Variants in PRAC2 observed in about 807,000 individuals in gnomAD.
The protein encoded by PRAC2 is PRAC2 small nuclear protein.
For missense variants in PRAC2, 92 were observed against 114.5 expected (o/e 0.80, Z 0.90); for synonymous variants, 43 against 49.5 (o/e 0.87, Z 0.55).
intron 1 of PRAC2, 114 bp from the exon 2 acceptor site, chr17:48,724,214 A>G (rs1354745810): frequency 2.1e-6 from 1 of 482,684 alleles, no homozygotes; most frequent in African/African-American, 2.0e-5. Context: ...TTTAAACACA[A>G]ATAAGTGAGA....
intron 1 of PRAC2, chr17:48,723,553 C>T: frequency 2.1e-6 from 1 of 470,506 alleles, no homozygotes; most frequent in Non-Finnish European, 3.4e-6. Flanking sequence ...CTGGATGAGG[C>T]TTTTTCCTGC....
At chr17:48,722,350 TA>T (rs752510016), upstream of PRAC2, 15 of 1,614,054 alleles carry the variant, frequency 9.3e-6, no homozygotes, top group Non-Finnish European at 1.3e-5. Flanking sequence ...TTGGAGGTAG[TA>T]AGATGGGCCG....
chr17:48,722,735 TC>T (rs141334042), upstream of PRAC2, among the ~76,000 whole-genome samples: 1,683 of 152,220 alleles, frequency 0.011, 31 homozygotes, highest in African/African-American at 0.036. Flanking sequence ...GCTTCCTCCC[TC>T]TTTCCCAAGG....
In PRAC2 at chr17:48,723,197, C is replaced by G. The variant is rs930344542; in HGVS notation, c.-200C>G. 1.3e-5 allele frequency: 2 copies of G among 152,378 alleles called. No homozygotes were observed. Among genetic ancestry groups the G allele is most frequent in the African/African-American group, 2.4e-5 (1 of 41,476 alleles). The allele number at this position is 152,378 out of a possible 1,614,324, so 9.4% of individuals were successfully genotyped here. A position where few individuals can be genotyped will look rare whatever the true frequency, so the allele number is the denominator to read the frequency against. ...CGGGGCCGCTCCCGAGCTTTCTCCC[C>G]TCTTCCCTGGAGAGCGACTGTTCGG... On this transcript the variant is annotated 5_prime_UTR_variant, in exon 1 of 2. Transcript: ENST00000422730.
intron 1 of PRAC2, chr17:48,723,716 G>A (rs1288293448): frequency 8.1e-7 from 1 of 1,231,804 alleles, no homozygotes; most frequent in Non-Finnish European, 1.0e-6. Flanking sequence ...TGGAGCCTCA[G>A]GTTCGCGCTC....
upstream of PRAC2, among the ~76,000 whole-genome samples, chr17:48,719,708 G>A (rs772742109): frequency 2.6e-5 from 4 of 152,252 alleles, no homozygotes; most frequent in Non-Finnish European, 5.9e-5. Context: ...GAGGAAAACA[G>A]AAAAAGTTAC....
At chr17:48,723,822 T>A in intron 1 of PRAC2, 1 of 1,172,304 alleles carries the variant, frequency 8.5e-7, no homozygotes, top group Non-Finnish European at 1.1e-6. Context: ...TCTGGAGGCC[T>A]AATAAAATCC....
At position 48,724,316 on chromosome 17, in the gene PRAC2, T is replaced by C. The variant is rs761591102; in HGVS notation, c.-83-12T>C. 4.9e-4 allele frequency: 594 copies of C among 1,223,104 alleles called. No homozygotes were observed. Among genetic ancestry groups the C allele is most frequent in the Non-Finnish European group, 5.7e-4 (562 of 978,186 alleles). 75.8% of individuals were successfully genotyped at this position (1,223,104 alleles called of 1,614,324 possible). On this transcript the variant is annotated splice_polypyrimidine_tract_variant and intron_variant, in intron 1 of 1. Coordinates refer to ENST00000422730, the MANE Select transcript of PRAC2 (RefSeq NM_001282275.2). ...GTTTAATACAAAACGAAATTAAATA[T>C]TTTTTGCACAGGTTCCATACAAGTA...
intron 1 of PRAC2, chr17:48,723,677 G>A (rs1250763833): frequency 8.1e-7 from 1 of 1,230,962 alleles, no homozygotes; most frequent in African/African-American, 1.5e-5. Flanking sequence ...TCCCGGAAGC[G>A]CTAGCCAGCC....
chr17:48,723,434 A>G, intron 1 of PRAC2, 121 bp downstream of exon 1: 1 of 344,044 alleles, frequency 2.9e-6, no homozygotes, highest in East Asian at 4.4e-5. Flanking sequence ...TGCAGCACTT[A>G]GCACCTTCAA....
At chr17:48,718,864 G>C (rs2038119269), upstream of PRAC2, among the ~76,000 whole-genome samples, 1 of 152,318 alleles carries the variant, frequency 6.6e-6, no homozygotes, top group Admixed American at 6.5e-5. Flanking sequence ...GCATTATCTG[G>C]CTAACTCCCG....
chr17:48,724,712 T>C lies in PRAC2; in HGVS notation c.*29T>C. On this transcript the variant is annotated 3_prime_UTR_variant, in exon 2 of 2. Coordinates refer to ENST00000422730, the MANE Select transcript of PRAC2 (RefSeq NM_001282275.2). ...TCTGTCGGAAGGGGGCGCCCACGTC[T>C]TTTTAATGGTCCTAACACACCAGTG... The C allele has an allele frequency of 1.7e-6, 2 of 1,146,566 alleles. No individual in the cohort carries two copies. The highest frequency in any genetic ancestry group is 2.2e-6 in the Non-Finnish European group (2 of 910,230). 71.0% of individuals were successfully genotyped at this position (1,146,566 alleles called of 1,614,324 possible). A position where few individuals can be genotyped will look rare whatever the true frequency, so the allele number is the denominator to read the frequency against.
intron 1 of PRAC2, chr17:48,723,576 C>T (rs1474586316): frequency 1.6e-6 from 1 of 606,276 alleles, no homozygotes; most frequent in Non-Finnish European, 2.4e-6. Context: ...CGAGGGCTTT[C>T]CAGCTTCCGG....
chr17:48,720,960 AAGTAACTTACCCTCTT>A (rs2038139368), upstream of PRAC2, among the ~76,000 whole-genome samples: 1 of 152,190 alleles, frequency 6.6e-6, no homozygotes, highest in Non-Finnish European at 1.5e-5. Flanking sequence ...GACCCAGATC[AAGTAACTTACCCTCTT>A]AGTTTCAATT....
At chr17:48,719,493 G>GAC (rs2038125268), upstream of PRAC2, among the ~76,000 whole-genome samples, 1 of 152,190 alleles carries the variant, frequency 6.6e-6, no homozygotes, top group Non-Finnish European at 1.5e-5. Flanking sequence ...CGCGGCGGGC[G>GAC]ACAGCCCCCC....
At chr17:48,723,783 G>T (rs1005278892) in intron 1 of PRAC2, 3 of 1,230,712 alleles carry the variant, frequency 2.4e-6, no homozygotes, top group Non-Finnish European at 3.0e-6. Context: ...TAGTTTCTAC[G>T]CATTGCGCCA....
upstream of PRAC2, chr17:48,721,892 G>A (rs764638295): frequency 6.6e-7 from 1 of 1,514,434 alleles, no homozygotes; most frequent in African/African-American, 1.4e-5. Context: ...TTTCAAAGTA[G>A]ATGTTTTCTA....
upstream of PRAC2, among the ~76,000 whole-genome samples, chr17:48,720,344 T>TA (rs1252273404): frequency 1.3e-5 from 2 of 152,348 alleles, no homozygotes; most frequent in East Asian, 3.9e-4. Flanking sequence ...ACCGTCCTTC[T>TA]ATCCACCGCG....
In PRAC2 at chr17:48,724,616, C is replaced by A; in HGVS notation, c.206C>A (p.Pro69Gln). 1 of 1,232,202 alleles carries A rather than the reference C, an allele frequency of 8.1e-7. No homozygotes were observed. The highest frequency in any genetic ancestry group is 1.0e-6 in the Non-Finnish European group (1 of 987,996). The allele number at this position is 1,232,202 out of a possible 1,614,324, so 76.3% of individuals were successfully genotyped here. Residue 69 changes from proline to glutamine, a missense_variant, in exon 2 of 2, where the codon CCA becomes CAA. Pro to Gln is a moderately conservative substitution (Grantham distance 76). Transcript: ENST00000422730. ...PHTQLSTHEAPGRWKPVAPRT... is the reference protein window; with the variant it reads ...PHTQLSTHEAQGRWKPVAPRT... ...ACGCAGCTCAGTACCCACGAGGCCCCAGGCCGCTGGAAGCCTGTAGCTCCG... is the reference window on the plus strand; with the variant it reads ...ACGCAGCTCAGTACCCACGAGGCCCAAGGCCGCTGGAAGCCTGTAGCTCCG...
Sources: gnomAD v4.1 joint callset for allele counts (sites outside exome capture counted in the v4.1 genomes callset) on GRCh38, gnomAD v4.1.1 for gene constraint, MANE v1.5 for transcripts, NCBI Gene and HGNC (gene_info 2026-07-23, HGNC 2026-07-21) for gene names.